GPR84: variants seen among roughly 807,000 people sequenced by gnomAD.
GPR84 encodes the protein G protein-coupled receptor 84.
GPR84 carries 8 observed loss-of-function variants against 14.9 expected under a neutral mutation model. The observed-to-expected ratio is 0.54, with a 90% CI of 0.31 to 0.97. The LOEUF is 0.97. GPR84 is among the 50% of genes least tolerant of loss of function. The pLI is 0.04. For missense variants in GPR84, 424 were observed against 498.7 expected (o/e 0.85, Z 1.43); for synonymous variants, 164 against 198.1 (o/e 0.83, Z 1.45).
At chr12:54,361,661 G>A (rs1270146543), downstream of GPR84, among the ~76,000 whole-genome samples, 2 of 152,066 alleles carry the variant, frequency 1.3e-5, no homozygotes, top group Non-Finnish European at 2.9e-5. This position sits in a 1 kb window ranked among gnomAD's most constrained non-coding sequence, Gnocchi z 4.3. Context: ...ATGAGCCACC[G>A]TGCCTGGCCC....
rs1954290946 is a variant in GPR84, at chr12:54,363,263, A to G, written c.589T>C (p.Phe197Leu). ...ACCTGGCGGTGGATGAGGCAATAGA[A>G]GATGCCAACACTGCTGAGCCCAAGC... is the stretch of plus-strand genomic sequence containing the variant. ...FVLGLSSVGI[F>L]YCLIHRQVKR... The change falls in exon 2 of 2, where the codon TTC becomes CTC. Residue 197 changes from phenylalanine to leucine, a missense_variant. By Grantham distance (22) the Phe-to-Leu change is conservative (BLOSUM62 0). Coordinates refer to ENST00000267015, the MANE Select transcript of GPR84 (RefSeq NM_020370.3). The G allele has an allele frequency of 6.2e-7, 1 of 1,614,024 alleles. No homozygotes were observed. The highest frequency in any genetic ancestry group is 8.5e-7 in the Non-Finnish European group (1 of 1,180,016).
intron 1 of GPR84, chr12:54,364,145 A>G (rs573389895): frequency 1.8e-5 from 5 of 281,706 alleles, no homozygotes; most frequent in African/African-American, 1.1e-4. Flanking sequence ...GTCCTCTTCT[A>G]TATCCATCCC....
rs774161771 is a variant in GPR84 at position 54,363,647 on chromosome 12, AGAG to A, written c.202_204del (p.Leu68del). On this transcript the variant is annotated inframe_deletion, in exon 2 of 2. Coordinates refer to ENST00000267015, the MANE Select transcript of GPR84 (RefSeq NM_020370.3). ...GAGAAGGGCTGAAGGAGCGTGCAGT[AGAG>A]GAGATCAGCCAGTGTGAGGTTGGCT... is the stretch of plus-strand genomic sequence containing the variant. 23 of 1,613,904 alleles carry A rather than the reference AGAG, an allele frequency of 1.4e-5. 1 individual carries two copies. In the South Asian group the frequency reaches 2.2e-4, roughly 15 times the overall value.
At position 54,363,530 on chromosome 12, in the gene GPR84, T is replaced by A. The variant is rs1954295140; in HGVS notation, c.322A>T (p.Ile108Phe). 1 of 1,613,768 alleles carries A rather than the reference T, an allele frequency of 6.2e-7. No individual in the cohort carries two copies. The highest frequency in any genetic ancestry group is 1.1e-5 in the South Asian group (1 of 91,068). Reference protein sequence around the residue: ...LLLFASNSVSILTLCLIALGR... With the variant: ...LLLFASNSVSFLTLCLIALGR... The stretch of plus-strand genomic sequence containing the variant: ...AGTGCGATGAGGCAGAGGGTCAGGA[T>A]GGAGACAGAATTGGAGGCAAAAAGG... The change falls in exon 2 of 2, where the codon ATC (isoleucine) becomes TTC (phenylalanine). Residue 108 changes from isoleucine to phenylalanine, a missense_variant. By Grantham distance (21) the Ile-to-Phe change is conservative. Coordinates refer to ENST00000267015, the MANE Select transcript of GPR84 (RefSeq NM_020370.3).
chr12:54,362,605 G>T lies in GPR84; in HGVS notation c.*56C>A. The stretch of plus-strand genomic sequence containing the variant: ...TATTTCACCTATTCTCCTATTACCT[G>T]GCCACTTTGGTCCTGGAGGAGACAG... On this transcript the variant is annotated 3_prime_UTR_variant, in exon 2 of 2. Transcript: ENST00000267015. This position sits in a 1 kb window ranked among gnomAD's most constrained non-coding sequence, Gnocchi z 4.0. The T allele has an allele frequency of 9.0e-7, 1 of 1,117,006 alleles. No individual in the cohort carries two copies. The highest frequency in any genetic ancestry group is 1.3e-6 in the Non-Finnish European group (1 of 764,664). The allele number at this position is 1,117,006 out of a possible 1,614,324, so 69.2% of individuals were successfully genotyped here.
the GPR84 span, among the ~76,000 whole-genome samples, chr12:54,354,692 G>A: frequency 2.7e-5 from 4 of 147,660 alleles, no homozygotes; most frequent in East Asian, 4.1e-4. Flanking sequence ...TGATCCGCCC[G>A]CCTCGGCCTC....
chr12:54,362,424 C>T, downstream of GPR84: 1 of 440,278 alleles, frequency 2.3e-6, no homozygotes, highest in Non-Finnish European at 4.1e-6. This position sits in a 1 kb window ranked among gnomAD's most constrained non-coding sequence, Gnocchi z 4.0. Flanking sequence ...TTCCTTCTTC[C>T]CCAGAGACCA....
chr12:54,358,296 G>A (rs1397482380), downstream of GPR84, among the ~76,000 whole-genome samples: 1 of 152,114 alleles, frequency 6.6e-6, no homozygotes, highest in East Asian at 1.9e-4. Context: ...CGCCTGACTC[G>A]TCTGTCCCCT....
At position 54,362,498 on chromosome 12, in the gene GPR84, A is replaced by C; in HGVS notation, c.*163T>G. Reference sequence around the variant, plus strand: ...ATTAATAATACTCCTTGGGCAGTCTAGGGCTGAAACATTGATCAAGTGATG... The same window carrying C: ...ATTAATAATACTCCTTGGGCAGTCTCGGGCTGAAACATTGATCAAGTGATG... On this transcript the variant is annotated 3_prime_UTR_variant, in exon 2 of 2. Coordinates refer to ENST00000267015, the MANE Select transcript of GPR84 (RefSeq NM_020370.3). The surrounding 1 kb of genome is among the most constrained non-coding windows in gnomAD (Gnocchi z 4.0). The C allele has an allele frequency of 1.4e-5, 9 of 653,890 alleles. No homozygotes were observed. Among genetic ancestry groups the C allele is most frequent in the Non-Finnish European group, 2.5e-5 (9 of 357,714 alleles). The allele number at this position is 653,890 out of a possible 1,614,324, so 40.5% of individuals were successfully genotyped here.
At position 54,363,606 on chromosome 12, in the gene GPR84, G is replaced by A; in HGVS notation, c.246C>T (p.Leu82=). 2.5e-6 allele frequency: 4 copies of A among 1,614,052 alleles called. No homozygotes were observed. The highest frequency in any genetic ancestry group is 1.3e-5 in the African/African-American group (1 of 75,044). The change falls in exon 2 of 2, where the codon CTC becomes CTT. Residue 82 remains leucine (L), a synonymous_variant. Coordinates refer to ENST00000267015, the MANE Select transcript of GPR84 (RefSeq NM_020370.3). ...LLQPFSVDTY[L]HLHWRTGATF... ...TGGCACCGGTGCGCCAGTGCAGGTG[G>A]AGGTAGGTGTCCACAGAGAAGGGCT...
At chr12:54,359,211 A>G (rs1756665336), downstream of GPR84, among the ~76,000 whole-genome samples, 1 of 152,150 alleles carries the variant, frequency 6.6e-6, no homozygotes, top group African/African-American at 2.4e-5. Flanking sequence ...CTGCTGAGCC[A>G]TAAATCAGGG....
At chr12:54,358,419 A>C (rs1449446065), downstream of GPR84, among the ~76,000 whole-genome samples, 1 of 152,050 alleles carries the variant, frequency 6.6e-6, no homozygotes, top group Non-Finnish European at 1.5e-5. Context: ...AAAAACAAAC[A>C]AAAAACCAAA....
chr12:54,362,650 GGGTCACA>G lies in GPR84; in HGVS notation c.*4_*10del, dbSNP rs779231063. The G allele has an allele frequency of 1.3e-6, 2 of 1,546,894 alleles. No homozygotes were observed. The highest frequency in any genetic ancestry group is 1.8e-6 in the Non-Finnish European group (2 of 1,129,898). On this transcript the variant is annotated 3_prime_UTR_variant, in exon 2 of 2. Transcript: ENST00000267015. This position sits in a 1 kb window ranked among gnomAD's most constrained non-coding sequence, Gnocchi z 4.0. ...AGACAGTCCTGAATTCTGGTGACTA[GGGTCACA>G]GTTCTAATGGAGCCTATGGAAACTC...
At chr12:54,356,588 G>A in the GPR84 span, among the ~76,000 whole-genome samples, 1 of 152,142 alleles carries the variant, frequency 6.6e-6, no homozygotes, top group Non-Finnish European at 1.5e-5. Flanking sequence ...AATCTTTCAT[G>A]CCCCTTCCAG....
the GPR84 span, among the ~76,000 whole-genome samples, chr12:54,357,438 C>T: frequency 1.3e-5 from 2 of 152,194 alleles, no homozygotes; most frequent in Admixed American, 1.3e-4. Flanking sequence ...AGCCCTTTCA[C>T]TGGGTTGGGG....
the GPR84 span, among the ~76,000 whole-genome samples, chr12:54,355,356 G>T: frequency 2.0e-5 from 3 of 151,902 alleles, no homozygotes; most frequent in Non-Finnish European, 2.9e-5. Context: ...GTGTGTGTGC[G>T]CATGGCACAT....
chr12:54,358,032 G>A (rs1954227220), downstream of GPR84, among the ~76,000 whole-genome samples: 1 of 152,160 alleles, frequency 6.6e-6, no homozygotes, highest in Non-Finnish European at 1.5e-5. Flanking sequence ...TGGCTCAGGA[G>A]GAGAGGGAAT....
Position 54,362,461 on chromosome 12 carries a change from CA to C in GPR84, c.*199del, listed in dbSNP as rs1319863281. The C allele has an allele frequency of 3.8e-6, 2 of 529,444 alleles. No homozygotes were observed. Among genetic ancestry groups the C allele is most frequent in the Non-Finnish European group, 6.8e-6 (2 of 294,382 alleles). 32.8% of individuals were successfully genotyped at this position (529,444 alleles called of 1,614,324 possible). A position where few individuals can be genotyped will look rare whatever the true frequency, so the allele number is the denominator to read the frequency against. On this transcript the variant is annotated 3_prime_UTR_variant, in exon 2 of 2. Transcript: ENST00000267015. This position sits in a 1 kb window ranked among gnomAD's most constrained non-coding sequence, Gnocchi z 4.0. ...ACCTGAGCATTAAAAGCACAGAATT[CA>C]TTTATTAATAATTAATAATACTCCT...
chr12:54,359,454 G>A (rs934071942), downstream of GPR84, among the ~76,000 whole-genome samples: 1 of 95,352 alleles, frequency 1.0e-5, no homozygotes, highest in East Asian at 3.1e-4. Context: ...GGGGATTGGA[G>A]AGACGAGCTT....
Sources: gnomAD v4.1 joint callset for allele counts (sites outside exome capture counted in the v4.1 genomes callset) on GRCh38, gnomAD v4.1.1 for gene constraint, Gnocchi (gnomAD v3.1) non-coding constraint, MANE v1.5 for transcripts, NCBI Gene and HGNC (gene_info 2026-07-23, HGNC 2026-07-21) for gene names.